Variants in ABCA1 observed in about 807,000 individuals in gnomAD.
ABCA1 encodes ATP binding cassette subfamily A member 1, also known as phospholipid-transporting ATPase ABCA1.
ABCA1 carries 133 observed loss-of-function variants against 262.5 expected under a neutral mutation model. That is an observed-to-expected ratio of 0.51 (90% confidence interval 0.44 to 0.59). The LOEUF is 0.59. Ranked by LOEUF, ABCA1 falls within the 20% of genes least tolerant of loss-of-function variation. The pLI is 0.00. For missense variants in ABCA1, 2,452 were observed against 2,777.5 expected (o/e 0.88, Z 2.63); for synonymous variants, 1,022 against 1,043.5 (o/e 0.98, Z 0.40).
intron 31 of ABCA1, 42 bp downstream of exon 31, chr9:104,806,199 C>T (rs770961197): frequency 2.5e-6 from 4 of 1,597,194 alleles, no homozygotes; most frequent in Non-Finnish European, 3.4e-6. Context: ...ACCAGCCCAT[C>T]CTGCACCCCT....
rs1485822119 is a variant in ABCA1, at chr9:104,784,272, T to C, written c.*43A>G. ...ACTTCACATGGTGCAAAGGAAAGTC[T>C]AGTTCCTCTTTACTTTCAGCCACCC... On this transcript the variant is annotated 3_prime_UTR_variant, in exon 50 of 50. Transcript: ENST00000374736. 3 of 1,611,964 alleles carry C rather than the reference T, an allele frequency of 1.9e-6. No individual in the cohort carries two copies. Among genetic ancestry groups the C allele is most frequent in the Admixed American group, 1.7e-5 (1 of 59,998 alleles).
intron 5 of ABCA1, among the ~76,000 whole-genome samples, chr9:104,869,560 T>A (rs772114125): frequency 6.6e-6 from 1 of 152,216 alleles, no homozygotes; most frequent in Non-Finnish European, 1.5e-5. Flanking sequence ...AGACGATGCC[T>A]GCTTCACCAA....
Position 104,884,448 on chromosome 9 carries a change from A to G in ABCA1, c.281T>C (p.Val94Ala). ...TTACATGGATTTGTTAAAGTTTCCA[A>G]CAACTCCGGGAGCCTCCCCAGGAGT... is the stretch of plus-strand genomic sequence containing the variant. ...YPTPGEAPGV[V>A]GNFNKSIVAR... The change falls in exon 4 of 50, where the codon GTT (valine) becomes GCT (alanine). Residue 94 changes from valine (V) to alanine (A), a missense_variant. Val to Ala is a moderately conservative substitution (Grantham distance 64, BLOSUM62 0). Coordinates refer to ENST00000374736, the MANE Select transcript of ABCA1 (RefSeq NM_005502.4). 1 of 1,614,240 alleles carries G rather than the reference A, an allele frequency of 6.2e-7. No homozygotes were observed. Among genetic ancestry groups the G allele is most frequent in the Non-Finnish European group, 8.5e-7 (1 of 1,180,034 alleles).
chr9:104,896,711 C>CTTTTT lies in ABCA1; in HGVS notation c.66+6898_66+6902dup, dbSNP rs56710442. On this transcript the variant is annotated intron_variant, in intron 2 of 49. Transcript: ENST00000374736. ...AACTCCAAAATTGCTCCCTACACAT[C>CTTTTT]TTTTTTTTTTTTTTTTTTTTTTTTT... 1.5e-3 allele frequency among the ~76,000 whole-genome samples: 55 copies of CTTTTT among 37,008 alleles called. 10 individuals carry two copies. Among genetic ancestry groups the CTTTTT allele is most frequent in the African/African-American group, 2.7e-3 (26 of 9,462 alleles). The allele number at this position is 37,008 out of a possible 152,430, so 24.3% of individuals were successfully genotyped here.
At chr9:104,888,209 C>A in intron 3 of ABCA1, among the ~76,000 whole-genome samples, 1 of 152,138 alleles carries the variant, frequency 6.6e-6, no homozygotes, top group Admixed American at 6.6e-5. Context: ...CCTGGCCCCA[C>A]TGCTTTCCTG....
At position 104,782,543 on chromosome 9, in the gene ABCA1, T is replaced by A. The variant is rs1054073880; in HGVS notation, c.*1772A>T. 1 of 152,158 alleles carries A rather than the reference T, an allele frequency of 6.6e-6. No individual in the cohort carries two copies. The highest frequency in any genetic ancestry group is 2.4e-5 in the African/African-American group (1 of 41,436). 9.4% of individuals were successfully genotyped at this position (152,158 alleles called of 1,614,324 possible). On this transcript the variant is annotated 3_prime_UTR_variant, in exon 50 of 50. Transcript: ENST00000374736. The stretch of plus-strand genomic sequence containing the variant: ...ACAGTAAGTATTAGTGAAACAGTAT[T>A]TTTACAAATGTTTACTGACTAGAAA...
intron 30 of ABCA1, among the ~76,000 whole-genome samples, chr9:104,807,677 G>T (rs961943469): frequency 1.3e-5 from 2 of 151,772 alleles, no homozygotes; most frequent in Non-Finnish European, 2.9e-5. Context: ...AGCCAGTGTG[G>T]TGGCACATGC....
At chr9:104,893,987 C>T (rs1839991094) in intron 2 of ABCA1, among the ~76,000 whole-genome samples, 1 of 152,100 alleles carries the variant, frequency 6.6e-6, no homozygotes. Flanking sequence ...TCATAATAAC[C>T]CTGTGAGGTA....
intron 16 of ABCA1, among the ~76,000 whole-genome samples, chr9:104,826,662 T>C (rs1020166263): frequency 1.3e-5 from 2 of 152,198 alleles, no homozygotes; most frequent in Non-Finnish European, 2.9e-5. Flanking sequence ...CCTGAAGCCA[T>C]TCCTCAATGC....
At chr9:104,787,211 A>C (rs1266926807) in intron 46 of ABCA1, among the ~76,000 whole-genome samples, 1 of 152,192 alleles carries the variant, frequency 6.6e-6, no homozygotes, top group East Asian at 1.9e-4. Context: ...TTTTTTATGT[A>C]ATTAAATTTC....
Position 104,880,922 on chromosome 9 carries a change from G to A in ABCA1, c.421+2117C>T, listed in dbSNP as rs938280310. ...TCCCAGCACTTTGGAAGGCCTAGGC[G>A]GGCAGATCACGAGGTTAGGAGATCG... On this transcript the variant is annotated intron_variant, in intron 5 of 49. Coordinates refer to ENST00000374736, the MANE Select transcript of ABCA1 (RefSeq NM_005502.4). 7.8e-4 allele frequency among the ~76,000 whole-genome samples: 118 copies of A among 152,204 alleles called. 1 individual carries two copies. Among genetic ancestry groups the A allele is most frequent in the Admixed American group, 6.8e-3 (104 of 15,292 alleles).
intron 1 of ABCA1, among the ~76,000 whole-genome samples, chr9:104,918,297 A>T (rs1841956521): frequency 6.6e-6 from 1 of 152,212 alleles, no homozygotes; most frequent in South Asian, 2.1e-4. Context: ...CTGTAGAGAG[A>T]GACTCATTTA....
chr9:104,915,352 A>G (rs575912714), intron 1 of ABCA1, among the ~76,000 whole-genome samples: 1 of 152,340 alleles, frequency 6.6e-6, no homozygotes, highest in African/African-American at 2.4e-5. Context: ...GCACAGAGAC[A>G]CAGAGTCTAA....
intron 16 of ABCA1, 138 bp downstream of exon 16, chr9:104,826,810 G>A (rs1320887932): frequency 6.1e-6 from 5 of 826,250 alleles, no homozygotes; most frequent in Admixed American, 4.0e-5. Flanking sequence ...CCCTTAAAGA[G>A]CTTAGAATCT....
At chr9:104,891,117 C>T (rs902879485) in intron 2 of ABCA1, among the ~76,000 whole-genome samples, 1 of 152,136 alleles carries the variant, frequency 6.6e-6, no homozygotes, top group African/African-American at 2.4e-5. Context: ...ATGAATAGAT[C>T]ATAATTGAAC....
intron 29 of ABCA1, among the ~76,000 whole-genome samples, chr9:104,809,823 A>T (rs1301179757): frequency 6.6e-6 from 1 of 152,152 alleles, no homozygotes; most frequent in Non-Finnish European, 1.5e-5. Context: ...ATGTGTACAC[A>T]CATGTACATA....
intron 40 of ABCA1, among the ~76,000 whole-genome samples, chr9:104,794,055 ATT>A (rs528200278): frequency 1.8e-3 from 268 of 152,330 alleles, no homozygotes; most frequent in South Asian, 4.1e-3. Context: ...TGATCACCTA[ATT>A]CTCAAAGTTA....
At chr9:104,892,201 G>A (rs1839813727) in intron 2 of ABCA1, among the ~76,000 whole-genome samples, 1 of 151,760 alleles carries the variant, frequency 6.6e-6, no homozygotes, top group South Asian at 2.1e-4. Context: ...ACCAAAGATG[G>A]GGCTGGTCTT....
chr9:104,865,164 T>TA (rs1212860570), intron 5 of ABCA1, among the ~76,000 whole-genome samples: 1 of 152,100 alleles, frequency 6.6e-6, no homozygotes, highest in East Asian at 1.9e-4. Flanking sequence ...TTCTCAAACA[T>TA]GACTGCCCGT....
Sources: gnomAD v4.1 joint callset for allele counts (sites outside exome capture counted in the v4.1 genomes callset) on GRCh38, gnomAD v4.1.1 for gene constraint, MANE v1.5 for transcripts, NCBI Gene and HGNC (gene_info 2026-07-23, HGNC 2026-07-21) for gene names.